The following CCL26 variants were observed in gnomAD, a reference collection of about 807,000 sequenced individuals.
CCL26 encodes the protein C-C motif chemokine 26.
A neutral mutation model predicts 10.7 loss-of-function variants in CCL26; 10 were observed. The ratio of observed to expected loss-of-function variants is 0.93; its 90% CI spans 0.57 to 1.58. The LOEUF is 1.58. CCL26 is among the 40% of genes most tolerant of loss of function. CCL26 has a pLI of 0.00. For synonymous variants in CCL26, 43 were observed against 41.4 expected, an observed-to-expected ratio of 1.04 and a Z score of -0.15; for missense variants, 116 against 111.0, an observed-to-expected ratio of 1.05 and a Z score of -0.20.
At position 75,772,064 on chromosome 7, in the gene CCL26, C is replaced by A. The variant is rs377743269; in HGVS notation, c.73+40G>T. The A allele has an allele frequency of 1.9e-6, 3 of 1,604,988 alleles. No individual in the cohort carries two copies. The South Asian group carries it at 3.3e-5, about 18-fold the overall frequency. ...CATTTCCATCCACTCCCAGGCGGTC[C>A]GGGAAGGAACCCCAGGAGGGGAATG... On this transcript the variant is annotated intron_variant, in intron 1 of 2. Transcript: ENST00000005180.
rs199837091 is a variant in CCL26 at position 75,778,324 on chromosome 7, C to T, written c.-78-6070G>A. On this transcript the variant is annotated intron_variant, in intron 1 of 3. Transcript: ENST00000394905. ...GCAGCCTTGACCTCCTGGGCTCAAG[C>T]GATCCTCCCACCTCAGCTTCCTGAG... 2.0e-3 allele frequency among the ~76,000 whole-genome samples: 307 copies of T among 151,868 alleles called. 2 individuals carry two copies. The highest frequency in any genetic ancestry group is 7.0e-3 in the African/African-American group (288 of 41,418).
At chr7:75,790,400 C>A (rs546618400), upstream of CCL26, among the ~76,000 whole-genome samples, 2 of 146,244 alleles carry the variant, frequency 1.4e-5, no homozygotes, top group African/African-American at 5.0e-5. Flanking sequence ...CAGGCATGCA[C>A]CACCATGTTC....
intron 1 of CCL26, among the ~76,000 whole-genome samples, chr7:75,780,260 G>A (rs1397543831): frequency 6.6e-6 from 1 of 151,152 alleles, no homozygotes; most frequent in Admixed American, 6.6e-5. Context: ...TTCTCTCCGT[G>A]TCTCTACCCT....
At chr7:75,790,601 TTA>T (rs1382900679), upstream of CCL26, among the ~76,000 whole-genome samples, 1 of 151,930 alleles carries the variant, frequency 6.6e-6, no homozygotes, top group African/African-American at 2.4e-5. Context: ...TAATATAGTT[TTA>T]TTTATCAGCT....
upstream of CCL26, among the ~76,000 whole-genome samples, chr7:75,774,843 C>A (rs2033761633): frequency 6.6e-6 from 1 of 151,970 alleles, no homozygotes; most frequent in Non-Finnish European, 1.5e-5. Context: ...TCACTTGAGC[C>A]CAGGAGTTCA....
intron 1 of CCL26, among the ~76,000 whole-genome samples, chr7:75,784,531 C>T (rs1803139324): frequency 6.6e-6 from 1 of 152,152 alleles, no homozygotes; most frequent in Admixed American, 6.5e-5. Flanking sequence ...ACCTTCTTTT[C>T]AAAGGCCTTT....
At chr7:75,790,318 T>C (rs1246629592), upstream of CCL26, among the ~76,000 whole-genome samples, 2 of 143,828 alleles carry the variant, frequency 1.4e-5, no homozygotes, top group East Asian at 2.4e-4. Flanking sequence ...GGTGCAATCA[T>C]AGCTCCCTGC....
chr7:75,779,869 C>G (rs1554529196), intron 1 of CCL26, among the ~76,000 whole-genome samples: 1 of 152,202 alleles, frequency 6.6e-6, no homozygotes, highest in African/African-American at 2.4e-5. Flanking sequence ...CCCTTTTCCA[C>G]TTTCCTGGAG....
chr7:75,775,639 A>G (rs1344753761), upstream of CCL26, among the ~76,000 whole-genome samples: 1 of 152,040 alleles, frequency 6.6e-6, no homozygotes, highest in Non-Finnish European at 1.5e-5. Flanking sequence ...GCTGCACCCT[A>G]CACTCCTGGC....
intron 1 of CCL26, among the ~76,000 whole-genome samples, chr7:75,789,120 A>C: frequency 8.4e-6 from 1 of 119,542 alleles, no homozygotes; most frequent in South Asian, 2.9e-4. Context: ...TTTTGTAGAG[A>C]TGTGGCGGGC....
At chr7:75,788,429 T>C (rs1485090980) in intron 1 of CCL26, among the ~76,000 whole-genome samples, 1 of 152,090 alleles carries the variant, frequency 6.6e-6, no homozygotes, top group Non-Finnish European at 1.5e-5. Context: ...ACCCAAATCC[T>C]ATAAAACGGC....
intron 1 of CCL26, among the ~76,000 whole-genome samples, chr7:75,785,484 A>G (rs1392017256): frequency 6.6e-6 from 1 of 152,108 alleles, no homozygotes; most frequent in African/African-American, 2.4e-5. Context: ...TATCCCCCAC[A>G]AAGCTCCAAT....
rs925757127 is a variant in CCL26, at chr7:75,769,787, A to C, written c.191T>G (p.Phe64Cys). 1.3e-6 allele frequency: 2 copies of C among 1,592,666 alleles called. No individual in the cohort carries two copies. Among genetic ancestry groups the C allele is most frequent in the East Asian group, 2.2e-5 (1 of 44,804 alleles). ...SNSCSQRAVI[F>C]TTKRGKKVCT... ...GACTTTCTTGCCTCTTTTGGTAGTG[A>C]ATCTGTGAAAAAGAGACACGGATAA... The change falls in exon 3 of 3, where the codon TTC becomes TGC. Residue 64 changes from phenylalanine to cysteine, a missense_variant and splice_region_variant. Transcript: ENST00000005180.
chr7:75,778,304 C>A (rs1474256145), intron 1 of CCL26, among the ~76,000 whole-genome samples: 1 of 152,060 alleles, frequency 6.6e-6, no homozygotes, highest in Non-Finnish European at 1.5e-5. Flanking sequence ...TCACTGCAGC[C>A]TTGACCTCCT....
intron 1 of CCL26, among the ~76,000 whole-genome samples, chr7:75,778,013 C>A (rs1182125237): frequency 2.4e-4 from 37 of 151,978 alleles, no homozygotes; most frequent in Admixed American, 2.3e-3. Flanking sequence ...AGGCACCAAC[C>A]CCAGCCGACA....
chr7:75,789,895 C>T (rs1469730133), exon 1 of CCL26: 3 of 152,138 alleles, frequency 2.0e-5, no homozygotes, highest in East Asian at 1.9e-4. Flanking sequence ...TTCTGAGGTT[C>T]TGGGTGGACA....
At chr7:75,775,238 T>C (rs192506565), upstream of CCL26, among the ~76,000 whole-genome samples, 131 of 152,072 alleles carry the variant, frequency 8.6e-4, no homozygotes, top group African/African-American at 3.0e-3. Context: ...AAAAACAAAT[T>C]CTTTTTTGAC....
At chr7:75,772,654 C>CAA (rs5884975), upstream of CCL26, among the ~76,000 whole-genome samples, 143 of 120,966 alleles carry the variant, frequency 1.2e-3, 1 homozygote, top group East Asian at 0.015. Flanking sequence ...GAGACTCTGC[C>CAA]AAAAAAAAAA....
chr7:75,786,879 C>A (rs1252219560), intron 1 of CCL26, among the ~76,000 whole-genome samples: 2 of 152,182 alleles, frequency 1.3e-5, no homozygotes, highest in Non-Finnish European at 2.9e-5. Context: ...AAGCTGCTAG[C>A]CCGCCTCTTA....
Sources: allele counts gnomAD v4.1 joint callset (sites outside exome capture counted in the v4.1 genomes callset), GRCh38; gene constraint gnomAD v4.1.1; transcripts MANE v1.5; gene names NCBI Gene and HGNC (gene_info 2026-07-23, HGNC 2026-07-21).